The following GPAT3 variants were observed in gnomAD, a reference collection of about 807,000 sequenced individuals.
The protein encoded by GPAT3 is glycerol-3-phosphate acyltransferase 3.
In GPAT3, 53 loss-of-function variants were observed where a neutral mutation model predicts 58.8. That is an observed-to-expected ratio of 0.90 (90% CI 0.72 to 1.13). GPAT3 has a LOEUF of 1.13. Among genes scored for constraint, GPAT3 ranks in the 50% most tolerant of loss-of-function variants. The pLI, the probability that GPAT3 is intolerant of heterozygous loss-of-function variation, is 0.00. For missense variants in GPAT3, 511 were observed against 527.6 expected (o/e 0.97, Z 0.31); for synonymous variants, 197 against 187.4 (o/e 1.05, Z -0.42).
intron 7 of GPAT3, 81 bp from the exon 8 acceptor site, chr4:83,596,777 A>C (rs891754172): frequency 5.7e-5 from 59 of 1,040,468 alleles, no homozygotes; most frequent in Non-Finnish European, 8.5e-5. Context: ...CAATTGTGCC[A>C]GTAAAGTGCA....
chr4:83,573,330 G>A (rs1303554663), intron 2 of GPAT3, among the ~76,000 whole-genome samples: 1 of 151,966 alleles, frequency 6.6e-6, no homozygotes, highest in East Asian at 1.9e-4. Context: ...GTAGAGATGG[G>A]GTTTCACTAT....
chr4:83,571,394 G>A (rs755385897), intron 2 of GPAT3, among the ~76,000 whole-genome samples: 1 of 152,030 alleles, frequency 6.6e-6, no homozygotes, highest in African/African-American at 2.4e-5. Context: ...AAGTTTGAGA[G>A]TTCCAGTTGG....
At chr4:83,576,989 G>A (rs1725845131) in intron 2 of GPAT3, among the ~76,000 whole-genome samples, 1 of 152,120 alleles carries the variant, frequency 6.6e-6, no homozygotes, top group South Asian at 2.1e-4. Flanking sequence ...AAACCTGGAA[G>A]CACCACTTTC....
At chr4:83,595,028 C>A in intron 7 of GPAT3, 68 bp downstream of exon 7, 3 of 1,364,434 alleles carry the variant, frequency 2.2e-6, no homozygotes, top group Non-Finnish European at 3.1e-6. Context: ...GCCTTGCTAC[C>A]AAAGAGGGCC....
intron 2 of GPAT3, among the ~76,000 whole-genome samples, chr4:83,574,133 AGT>A (rs1725702094): frequency 6.6e-6 from 1 of 152,178 alleles, no homozygotes. Context: ...TCCATGAGAA[AGT>A]GTTTTGAATG....
intron 1 of GPAT3, among the ~76,000 whole-genome samples, chr4:83,543,961 T>C (rs1225366363): frequency 1.3e-5 from 2 of 152,276 alleles, no homozygotes; most frequent in Middle Eastern, 3.4e-3. Flanking sequence ...CATCGAGTCC[T>C]TTCCAGCTTT....
intron 11 of GPAT3, among the ~76,000 whole-genome samples, chr4:83,601,252 TA>T (rs1250999638): frequency 3.3e-5 from 5 of 152,238 alleles, no homozygotes; most frequent in African/African-American, 1.2e-4. Flanking sequence ...TCATTTTGTT[TA>T]AAGTTGCAGT....
At chr4:83,560,726 G>T (rs1253075959) in intron 2 of GPAT3, among the ~76,000 whole-genome samples, 1 of 152,188 alleles carries the variant, frequency 6.6e-6, no homozygotes, top group South Asian at 2.1e-4. Flanking sequence ...GATCACAGGG[G>T]TAGGTTCTTA....
At chr4:83,564,093 C>T (rs1560612313) in intron 2 of GPAT3, among the ~76,000 whole-genome samples, 2 of 152,120 alleles carry the variant, frequency 1.3e-5, no homozygotes, top group African/African-American at 4.8e-5. Flanking sequence ...TCAAACTGCC[C>T]TCCATAATGG....
At chr4:83,542,124 T>C (rs1024139903) in intron 1 of GPAT3, among the ~76,000 whole-genome samples, 4 of 152,228 alleles carry the variant, frequency 2.6e-5, no homozygotes, top group South Asian at 2.1e-4. Flanking sequence ...TTTTCCATCA[T>C]ATGAGCATGG....
At chr4:83,552,951 C>T (rs1724808689) in intron 2 of GPAT3, among the ~76,000 whole-genome samples, 1 of 152,142 alleles carries the variant, frequency 6.6e-6, no homozygotes. Flanking sequence ...AGAAGATAGC[C>T]ATCTGGAAAT....
upstream of GPAT3, chr4:83,536,025 C>T (rs1304920784): frequency 1.0e-6 from 1 of 985,352 alleles, no homozygotes; most frequent in African/African-American, 1.7e-5. Context: ...TAAGTACTGC[C>T]AGGGAGCTCC....
intron 2 of GPAT3, among the ~76,000 whole-genome samples, chr4:83,562,214 T>TATATATAATATATATATATA (rs1553944918): frequency 7.8e-5 from 6 of 77,098 alleles, no homozygotes; most frequent in South Asian, 3.6e-4. Flanking sequence ...ATATATATTA[T>TATATATAATATATATATATA]ATATATATAT....
At chr4:83,584,723 C>T (rs1726312917) in intron 3 of GPAT3, among the ~76,000 whole-genome samples, 1 of 152,208 alleles carries the variant, frequency 6.6e-6, no homozygotes, top group Non-Finnish European at 1.5e-5. Flanking sequence ...CCAGGCTGGT[C>T]TCAAACTCCT....
At chr4:83,563,507 A>T (rs1578174440) in intron 2 of GPAT3, among the ~76,000 whole-genome samples, 1 of 106,390 alleles carries the variant, frequency 9.4e-6, no homozygotes, top group Admixed American at 1.4e-4. Context: ...TTTGAGATGG[A>T]GTCTCACTCT....
intron 2 of GPAT3, among the ~76,000 whole-genome samples, chr4:83,566,419 TTTATTATTATTA>T (rs10688921): frequency 7.0e-6 from 1 of 143,594 alleles, no homozygotes; most frequent in Non-Finnish European, 1.5e-5. Context: ...AATTAATTAA[TTTATTATTATTA>T]TTATTATTAT....
At chr4:83,577,679 G>A (rs1376976131) in intron 2 of GPAT3, among the ~76,000 whole-genome samples, 2 of 151,730 alleles carry the variant, frequency 1.3e-5, no homozygotes, top group Admixed American at 1.3e-4. Context: ...GAATTGCTAG[G>A]TCATAGGCTC....
At chr4:83,580,323 T>A (rs540200381) in intron 2 of GPAT3, among the ~76,000 whole-genome samples, 1 of 152,358 alleles carries the variant, frequency 6.6e-6, no homozygotes, top group South Asian at 2.1e-4. Context: ...TGTATATGTA[T>A]TTCATAGAGT....
At chr4:83,591,872 A>T (rs1178339491) in intron 6 of GPAT3, among the ~76,000 whole-genome samples, 2 of 152,184 alleles carry the variant, frequency 1.3e-5, no homozygotes, top group African/African-American at 4.8e-5. Context: ...ATTGACTAAC[A>T]GTTCTGGAGG....
Sources: gnomAD v4.1 joint callset for allele counts (sites outside exome capture counted in the v4.1 genomes callset) on GRCh38, gnomAD v4.1.1 for gene constraint, MANE v1.5 for transcripts, NCBI Gene and HGNC (gene_info 2026-07-23, HGNC 2026-07-21) for gene names.